The following HEMGN variants were observed in gnomAD, a reference collection of about 807,000 sequenced individuals.
HEMGN encodes erythroid differentiation-associated gene protein.
In HEMGN, 32 loss-of-function variants were observed where a neutral mutation model predicts 45.7. That is an observed-to-expected ratio of 0.70 (90% CI 0.53 to 0.94). HEMGN has a LOEUF of 0.94. HEMGN is among the 40% of genes least tolerant of loss of function. The pLI is 0.00. For synonymous variants in HEMGN, 183 were observed against 178.6 expected (o/e 1.02, Z -0.20); for missense variants, 530 against 564.2 (o/e 0.94, Z 0.61).
At chr9:97,931,298 C>T (rs141776644) in intron 2 of HEMGN, 77 bp from the exon 3 acceptor site, 8 of 1,040,812 alleles carry the variant, frequency 7.7e-6, no homozygotes, top group Middle Eastern at 2.2e-4. Context: ...AGTGCCAGGT[C>T]CCCCACTGCC....
rs147080035 is a variant in HEMGN, at chr9:97,931,500, G to A, written c.174-279C>T. ...GGGTAGTGCATGCGCGTATGCGTGC[G>A]TGCGTGTGTTATAGCATATTCTTAA... On this transcript the variant is annotated intron_variant, in intron 2 of 3. Transcript: ENST00000616898. Among the ~76,000 whole-genome samples, 135 of 152,290 alleles carry A rather than the reference G, an allele frequency of 8.9e-4. 1 individual carries two copies. Among genetic ancestry groups the A allele is most frequent in the African/African-American group, 3.1e-3 (130 of 41,552 alleles).
rs772258055 is a variant in HEMGN at position 97,930,202 on chromosome 9, A to G, written c.1193T>C (p.Ile398Thr). Residue 398 changes from isoleucine (I) to threonine (T), a missense_variant, in exon 3 of 4, where the codon ATA (isoleucine) becomes ACA (threonine). Transcript: ENST00000616898. ...TTCAGGCCCCGGTGTTTCTTGGTAT[A>G]TTTCAGGTGAATATTCTTCAAGCTG... ...TSQLEEYSPEIYQETPGPEDL... is the reference protein window; with the variant it reads ...TSQLEEYSPETYQETPGPEDL... The G allele has an allele frequency of 1.2e-6, 2 of 1,613,952 alleles. No homozygotes were observed. Among genetic ancestry groups the G allele is most frequent in the Admixed American group, 1.7e-5 (1 of 59,996 alleles).
intron 3 of HEMGN, among the ~76,000 whole-genome samples, chr9:97,928,031 T>C (rs1268864004): frequency 6.7e-6 from 1 of 150,196 alleles, no homozygotes; most frequent in Non-Finnish European, 1.5e-5. Context: ...GTGTATTTTT[T>C]TTTTTTTTTT....
chr9:97,931,651 A>G (rs1826955937), intron 2 of HEMGN, among the ~76,000 whole-genome samples: 1 of 152,184 alleles, frequency 6.6e-6, no homozygotes, highest in African/African-American at 2.4e-5. Context: ...AACTCATACA[A>G]ATCGAGTTTC....
chr9:97,939,625 A>G (rs369757792), upstream of HEMGN, among the ~76,000 whole-genome samples: 1 of 152,284 alleles, frequency 6.6e-6, no homozygotes, highest in East Asian at 1.9e-4. Context: ...AGATTAGGAG[A>G]TGGGTCATCA....
At chr9:97,943,381 C>T (rs769190342) in intron 1 of HEMGN, among the ~76,000 whole-genome samples, 6 of 152,230 alleles carry the variant, frequency 3.9e-5, no homozygotes, top group African/African-American at 1.2e-4. Context: ...AAGACTGGAT[C>T]AAGCTTTGCT....
chr9:97,941,740 G>A (rs1827156342), upstream of HEMGN, among the ~76,000 whole-genome samples: 2 of 152,136 alleles, frequency 1.3e-5, no homozygotes, highest in Non-Finnish European at 1.5e-5. Context: ...TAACAGGTTA[G>A]GGAGAAAACA....
chr9:97,941,500 T>C (rs1453629312), upstream of HEMGN, among the ~76,000 whole-genome samples: 1 of 152,160 alleles, frequency 6.6e-6, no homozygotes. Context: ...ACAATCAGAA[T>C]GGTATTGCAA....
upstream of HEMGN, among the ~76,000 whole-genome samples, chr9:97,941,459 A>G (rs1161853567): frequency 6.6e-6 from 1 of 152,220 alleles, no homozygotes; most frequent in Non-Finnish European, 1.5e-5. Context: ...TCTGGCTACT[A>G]TGTGGGACAG....
chr9:97,937,502 A>G (rs917613442), intron 1 of HEMGN, among the ~76,000 whole-genome samples: 19 of 152,056 alleles, frequency 1.2e-4, no homozygotes, highest in Non-Finnish European at 2.1e-4. Context: ...TATTAGACCC[A>G]CCACTGGATA....
At chr9:97,940,379 T>G (rs1489126840), upstream of HEMGN, among the ~76,000 whole-genome samples, 1 of 151,504 alleles carries the variant, frequency 6.6e-6, no homozygotes, top group African/African-American at 2.4e-5. Context: ...AGAAGCAGAG[T>G]GTGGAGGGAC....
At chr9:97,928,048 C>T (rs894965334) in intron 3 of HEMGN, among the ~76,000 whole-genome samples, 2 of 140,108 alleles carry the variant, frequency 1.4e-5, no homozygotes, top group Non-Finnish European at 3.1e-5. Flanking sequence ...TTTTTTTGAG[C>T]CGGAGTCTCG....
chr9:97,934,053 A>T lies in HEMGN; in HGVS notation c.173+2118T>A, dbSNP rs539545612. ...AGACATACAAAGTCACATAGTAGAA[A>T]ATACCTGGACTGGCTGGGCACAGTG... On this transcript the variant is annotated intron_variant, in intron 2 of 3. Transcript: ENST00000616898. Among the ~76,000 whole-genome samples, 6 of 152,314 alleles carry T rather than the reference A, an allele frequency of 3.9e-5. No homozygotes were observed. In the East Asian group the frequency reaches 9.7e-4, roughly 25 times the overall value.
At chr9:97,928,308 G>A (rs1211723443) in intron 3 of HEMGN, among the ~76,000 whole-genome samples, 1 of 151,742 alleles carries the variant, frequency 6.6e-6, no homozygotes, top group Non-Finnish European at 1.5e-5. Flanking sequence ...TTACAGGCGT[G>A]AGCCACCGCG....
At position 97,927,277 on chromosome 9, in the gene HEMGN, ATAATAT is replaced by A. The variant is rs1194854943; in HGVS notation, c.*101_*106del. The A allele has an allele frequency of 2.1e-5, 14 of 653,710 alleles. No homozygotes were observed. The highest frequency in any genetic ancestry group is 3.0e-5 in the Non-Finnish European group (11 of 372,792). 40.5% of individuals were successfully genotyped at this position (653,710 alleles called of 1,614,324 possible). On this transcript the variant is annotated 3_prime_UTR_variant, in exon 4 of 4. Coordinates refer to ENST00000616898, the MANE Select transcript of HEMGN (RefSeq NM_197978.3). ...CAGATATGGTCTACAAATAGAAAAA[ATAATAT>A]TAATGAGCATTGTCAAAAGTTTTAC... is the stretch of plus-strand genomic sequence containing the variant.
rs1370653988 is a variant in HEMGN at position 97,927,440 on chromosome 9, C to T, written c.1399G>A (p.Ala467Thr). ...EKPKEEPGIP[A>T]ILNESHPEND... ...TCTGGATGACTCTCATTCAGAATTG[C>T]TGGTATTCCTGGCTCTTCTTTGGGT... Residue 467 changes from alanine (A) to threonine (T), a missense_variant, in exon 4 of 4, where the codon GCA (alanine) becomes ACA (threonine). Transcript: ENST00000616898. The T allele has an allele frequency of 6.2e-7, 1 of 1,609,822 alleles. No homozygotes were observed.
upstream of HEMGN, among the ~76,000 whole-genome samples, chr9:97,938,740 T>C (rs1344392431): frequency 6.6e-6 from 1 of 152,220 alleles, no homozygotes; most frequent in East Asian, 1.9e-4. Flanking sequence ...CCTTAATCTG[T>C]TGCAAAATAA....
chr9:97,931,181 T>C lies in HEMGN; in HGVS notation c.214A>G (p.Asn72Asp). ...TGTTGTCTCTTTCTGCCTCTTCGAT[T>C]TCCTTTTCCTGTTCTCTGCTGCTTG... ...KRKQQRTGKG[N>D]RRGRKRQQNT... The change falls in exon 3 of 4, where the codon AAT (asparagine) becomes GAT (aspartate). Residue 72 changes from asparagine to aspartate, a missense_variant. Transcript: ENST00000616898. The C allele has an allele frequency of 6.2e-7, 1 of 1,611,674 alleles. No homozygotes were observed. The highest frequency in any genetic ancestry group is 8.5e-7 in the Non-Finnish European group (1 of 1,179,546).
Position 97,927,283 on chromosome 9 carries a change from T to C in HEMGN, c.*101A>G. On this transcript the variant is annotated 3_prime_UTR_variant, in exon 4 of 4. Coordinates refer to ENST00000616898, the MANE Select transcript of HEMGN (RefSeq NM_197978.3). Reference sequence around the variant, plus strand: ...TGGTCTACAAATAGAAAAAATAATATTAATGAGCATTGTCAAAAGTTTTAC... The same window carrying C: ...TGGTCTACAAATAGAAAAAATAATACTAATGAGCATTGTCAAAAGTTTTAC... 1.5e-6 allele frequency: 1 copy of C among 671,282 alleles called. No homozygotes were observed. Among genetic ancestry groups the C allele is most frequent in the Non-Finnish European group, 2.6e-6 (1 of 384,046 alleles). The allele number at this position is 671,282 out of a possible 1,614,324, so 41.6% of individuals were successfully genotyped here. A position where few individuals can be genotyped will look rare whatever the true frequency, so the allele number is the denominator to read the frequency against.
Sources: allele counts gnomAD v4.1 joint callset (sites outside exome capture counted in the v4.1 genomes callset), GRCh38; gene constraint gnomAD v4.1.1; transcripts MANE v1.5; gene names NCBI Gene and HGNC (gene_info 2026-07-23, HGNC 2026-07-21).